Variants in ESR1 observed in about 807,000 individuals in gnomAD.
ESR1 encodes estrogen receptor 1, also known as estrogen receptor.
In ESR1, 12 loss-of-function variants were observed where a neutral mutation model predicts 52.7. That is an observed-to-expected ratio of 0.23 (90% CI 0.15 to 0.37). The LOEUF is 0.37. ESR1 is among the 10% of genes least tolerant of loss of function. ESR1 has a pLI of 1.00. For missense variants in ESR1, 584 were observed against 779.7 expected (o/e 0.75, Z 2.99); for synonymous variants, 305 against 316.8 (o/e 0.96, Z 0.39).
intron 4 of ESR1, among the ~76,000 whole-genome samples, chr6:152,009,894 C>T (rs1207545673): frequency 6.6e-6 from 1 of 152,130 alleles, no homozygotes; most frequent in Non-Finnish European, 1.5e-5. Flanking sequence ...TGGAATACCA[C>T]TTAGGAATAG....
At chr6:151,792,327 T>C (rs938062302) in intron 2 of ESR1, among the ~76,000 whole-genome samples, 2 of 152,232 alleles carry the variant, frequency 1.3e-5, no homozygotes, top group African/African-American at 4.8e-5. Flanking sequence ...TATGCTACTG[T>C]AAACTTTATA....
At chr6:151,871,730 T>G (rs1209434278) in intron 2 of ESR1, among the ~76,000 whole-genome samples, 1 of 152,130 alleles carries the variant, frequency 6.6e-6, no homozygotes, top group Non-Finnish European at 1.5e-5. Flanking sequence ...AAACAATGAC[T>G]CCAAGTTCCC....
Position 151,808,321 on chromosome 6 carries a change from AGCG to A in ESR1, c.412_414del (p.Gly138del), listed in dbSNP as rs749679199. ...GCCCTACTACCTGGAGAACGAGCCC[AGCG>A]GCTACACGGTGCGCGAGGCCGGCCC... On this transcript the variant is annotated inframe_deletion, in exon 1 of 8. Coordinates refer to ENST00000206249, the MANE Select transcript of ESR1 (RefSeq NM_000125.4). 14 of 1,553,994 alleles carry A rather than the reference AGCG, an allele frequency of 9.0e-6. No homozygotes were observed. Among genetic ancestry groups the A allele is most frequent in the Non-Finnish European group, 1.1e-5 (13 of 1,153,160 alleles).
chr6:152,026,739 TA>T (rs1190081395), intron 5 of ESR1, among the ~76,000 whole-genome samples: 1 of 152,158 alleles, frequency 6.6e-6, no homozygotes, highest in Non-Finnish European at 1.5e-5. Flanking sequence ...TCTTCCTTTA[TA>T]AAGCATTCAT....
intron 3 of ESR1, among the ~76,000 whole-genome samples, chr6:151,904,405 C>G (rs895105475): frequency 7.2e-5 from 11 of 152,094 alleles, no homozygotes; most frequent in African/African-American, 2.7e-4. Context: ...TTGGGAAGTT[C>G]TCAGTGTAAC....
At chr6:152,122,769 C>T in intron 6 of ESR1, 1 of 1,589,212 alleles carries the variant, frequency 6.3e-7, no homozygotes, top group Non-Finnish European at 8.5e-7. Context: ...GCTAAAGGGC[C>T]ATGCCAAGCA....
Position 152,094,502 on chromosome 6 carries a change from C to T in ESR1, c.1487C>T (p.Thr496Ile), listed in dbSNP as rs2152496394. The T allele has an allele frequency of 6.2e-7, 1 of 1,614,136 alleles. No homozygotes were observed. The highest frequency in any genetic ancestry group is 8.5e-7 in the Non-Finnish European group (1 of 1,180,010). Reference sequence around the variant, plus strand: ...CACCTGATGGCCAAGGCAGGCCTGACCCTGCAGCAGCAGCACCAGCGGCTG... The same window carrying T: ...CACCTGATGGCCAAGGCAGGCCTGATCCTGCAGCAGCAGCACCAGCGGCTG... Reference protein sequence around the residue: ...LIHLMAKAGLTLQQQHQRLAQ... With the variant: ...LIHLMAKAGLILQQQHQRLAQ... Residue 496 changes from threonine (T) to isoleucine (I), a missense_variant, in exon 7 of 8, where the codon ACC (threonine) becomes ATC (isoleucine). Thr to Ile is a moderately conservative substitution (Grantham distance 89). This residue lies in a region of ESR1 where 141 missense variants were observed against 289.3 expected (regional missense o/e 0.49). Transcript: ENST00000206249. This position sits in a 1 kb window ranked among gnomAD's most constrained non-coding sequence, Gnocchi z 4.6.
intron 5 of ESR1, among the ~76,000 whole-genome samples, chr6:152,030,755 C>A (rs2044623167): frequency 6.6e-6 from 1 of 152,222 alleles, no homozygotes; most frequent in Non-Finnish European, 1.5e-5. Flanking sequence ...CAAGGATATC[C>A]AGGAACTGAA....
At chr6:151,943,103 G>A (rs535782082) in intron 3 of ESR1, among the ~76,000 whole-genome samples, 78 of 152,190 alleles carry the variant, frequency 5.1e-4, no homozygotes, top group Non-Finnish European at 8.1e-4. Flanking sequence ...GTGGGGGGCC[G>A]GGCACTGTGG....
chr6:151,878,868 T>C (rs1792301640), intron 2 of ESR1, among the ~76,000 whole-genome samples: 1 of 152,184 alleles, frequency 6.6e-6, no homozygotes, highest in South Asian at 2.1e-4. Context: ...ATAAACCAGA[T>C]TTATTTTGAG....
chr6:151,786,945 G>A (rs1481047919), intron 2 of ESR1, among the ~76,000 whole-genome samples: 1 of 152,108 alleles, frequency 6.6e-6, no homozygotes, highest in Non-Finnish European at 1.5e-5. Context: ...AAGTAGTTTG[G>A]ATTACACATG....
At chr6:151,930,412 C>T (rs1216369204) in intron 3 of ESR1, among the ~76,000 whole-genome samples, 1 of 152,156 alleles carries the variant, frequency 6.6e-6, no homozygotes, top group Non-Finnish European at 1.5e-5. Flanking sequence ...GATATTATAA[C>T]ATAGTATTCT....
chr6:151,890,303 T>C (rs1794514299), intron 3 of ESR1, among the ~76,000 whole-genome samples: 1 of 152,126 alleles, frequency 6.6e-6, no homozygotes, highest in African/African-American at 2.4e-5. Context: ...GTCAGGCTGC[T>C]CTCAAACTCC....
At chr6:151,944,640 T>G (rs1363192504) in intron 4 of ESR1, 132 bp downstream of exon 4, 20 of 783,916 alleles carry the variant, frequency 2.6e-5, no homozygotes, top group Non-Finnish European at 4.1e-5. Context: ...ACAGGAGATG[T>G]GTTCATTTTC....
intron 2 of ESR1, among the ~76,000 whole-genome samples, chr6:151,878,671 G>T (rs1421242250): frequency 6.6e-6 from 1 of 152,160 alleles, no homozygotes; most frequent in Non-Finnish European, 1.5e-5. Context: ...CTGAACTAGG[G>T]TGTGAAATAT....
chr6:151,867,296 A>G (rs1407593728), intron 2 of ESR1, among the ~76,000 whole-genome samples: 2 of 152,184 alleles, frequency 1.3e-5, no homozygotes, highest in Non-Finnish European at 1.5e-5. Context: ...ACAACTGCAC[A>G]GCAAAAGAAA....
At chr6:152,046,042 G>T (rs1177016699) in intron 5 of ESR1, among the ~76,000 whole-genome samples, 1 of 152,220 alleles carries the variant, frequency 6.6e-6, no homozygotes, top group Non-Finnish European at 1.5e-5. Context: ...CATGGAAGTG[G>T]CTGAGGAGTT....
chr6:151,902,987 C>A (rs1351425670), intron 3 of ESR1, among the ~76,000 whole-genome samples: 1 of 152,158 alleles, frequency 6.6e-6, no homozygotes, highest in Non-Finnish European at 1.5e-5. Flanking sequence ...TCCCTCTAAT[C>A]CTGGCATTCA....
At chr6:151,697,456 A>G (rs1319279571) in intron 1 of ESR1, among the ~76,000 whole-genome samples, 1 of 152,234 alleles carries the variant, frequency 6.6e-6, no homozygotes, top group Non-Finnish European at 1.5e-5. Context: ...ACATTATACT[A>G]GTGATACAAT....
Sources: allele counts gnomAD v4.1 joint callset (sites outside exome capture counted in the v4.1 genomes callset), GRCh38; gene constraint gnomAD v4.1.1; regional missense constraint gnomAD v4.1.1; non-coding constraint Gnocchi (gnomAD v3.1); transcripts MANE v1.5; gene names NCBI Gene and HGNC (gene_info 2026-07-23, HGNC 2026-07-21).